The following LRMDA variants were observed in gnomAD, a reference collection of about 807,000 sequenced individuals.
LRMDA encodes the protein leucine rich melanocyte differentiation associated.
Under a neutral mutation model 29.8 loss-of-function variants are expected in LRMDA, and 18 were observed. That is an observed-to-expected ratio of 0.60 (90% CI 0.42 to 0.90). The LOEUF is 0.90. Ranked by LOEUF, LRMDA falls within the 40% of genes least tolerant of loss-of-function variation. The pLI is 0.00. For missense variants in LRMDA, 273 were observed against 273.9 expected (o/e 1.00, Z 0.02); for synonymous variants, 125 against 109.4 (o/e 1.14, Z -0.89).
At chr10:76,236,893 A>G (rs1405505431) in intron 5 of LRMDA, among the ~76,000 whole-genome samples, 1 of 152,284 alleles carries the variant, frequency 6.6e-6, no homozygotes, top group Admixed American at 6.5e-5. Context: ...TACAGCCAGC[A>G]GCAACTATAA....
chr10:76,045,301 C>T lies in LRMDA; in HGVS notation c.259-1863C>T, dbSNP rs189592119. On this transcript the variant is annotated intron_variant, in intron 3 of 6. Transcript: ENST00000611255. The stretch of plus-strand genomic sequence containing the variant: ...CTCTCTGGTTAGTTTCCCTCTCTTG[C>T]CAGTTTCCCCCTCTCTTGCTAGTTT... Among the ~76,000 whole-genome samples, 130 of 134,818 alleles carry T rather than the reference C, an allele frequency of 9.6e-4. 2 individuals carry two copies. The Admixed American group carries it at 9.6e-3, about 10-fold the overall frequency. 88.4% of individuals were successfully genotyped at this position (134,818 alleles called of 152,430 possible).
chr10:76,213,356 CCATT>C (rs1851670435), intron 5 of LRMDA, among the ~76,000 whole-genome samples: 1 of 152,108 alleles, frequency 6.6e-6, no homozygotes, highest in Non-Finnish European at 1.5e-5. Flanking sequence ...CTGGTTGTAT[CCATT>C]TAATAAAATT....
chr10:75,956,421 T>C (rs1029745258), intron 2 of LRMDA, among the ~76,000 whole-genome samples: 3 of 152,216 alleles, frequency 2.0e-5, no homozygotes, highest in Non-Finnish European at 4.4e-5. Flanking sequence ...TTCTGGGCAT[T>C]CAAATGGGGC....
rs1258566465 is a variant in LRMDA at position 76,495,075 on chromosome 10, CT to C, written c.602-62130del. ...TTTTTTGCTATCAACTCTAAGAACT[CT>C]TTTCCTAGTCCTGGATCATGGGGAT... On this transcript the variant is annotated intron_variant, in intron 6 of 6. Coordinates refer to ENST00000611255, the MANE Select transcript of LRMDA (RefSeq NM_001305581.2). Among the ~76,000 whole-genome samples, 5 of 151,818 alleles carry C rather than the reference CT, an allele frequency of 3.3e-5. 1 individual carries two copies. The highest frequency in any genetic ancestry group is 9.7e-5 in the African/African-American group (4 of 41,412).
intron 5 of LRMDA, among the ~76,000 whole-genome samples, chr10:76,272,760 G>C (rs1248577132): frequency 6.6e-6 from 1 of 152,128 alleles, no homozygotes; most frequent in Non-Finnish European, 1.5e-5. Flanking sequence ...CCACATGGCT[G>C]AGGAGGCCTG....
At chr10:76,017,881 T>C (rs1847904194) in intron 2 of LRMDA, among the ~76,000 whole-genome samples, 3 of 152,174 alleles carry the variant, frequency 2.0e-5, no homozygotes. Context: ...TCAACCTGCT[T>C]GATATGTTTG....
chr10:76,136,756 T>C (rs11001627), intron 5 of LRMDA, among the ~76,000 whole-genome samples: 22,783 of 152,224 alleles, frequency 0.15, 2,040 homozygotes, highest in Admixed American at 0.23. Flanking sequence ...ATATTTTACA[T>C]AAGTTTTTAA....
intron 5 of LRMDA, among the ~76,000 whole-genome samples, chr10:76,226,853 AG>A (rs2132267040): frequency 6.6e-6 from 1 of 152,330 alleles, no homozygotes; most frequent in Admixed American, 6.5e-5. Flanking sequence ...CAGAGCTGTG[AG>A]ACAAATAAAT....
intron 2 of LRMDA, among the ~76,000 whole-genome samples, chr10:75,477,852 G>A (rs1008681556): frequency 1.3e-5 from 2 of 152,244 alleles, no homozygotes; most frequent in African/African-American, 4.8e-5. Flanking sequence ...AGAATTATGG[G>A]CTTTGACAGA....
chr10:76,523,298 G>A (rs1012279958), intron 6 of LRMDA, among the ~76,000 whole-genome samples: 9 of 152,100 alleles, frequency 5.9e-5, no homozygotes, highest in Admixed American at 4.6e-4. Flanking sequence ...GTGTCGAAGG[G>A]CTTTCCACTG....
chr10:76,084,515 A>G (rs909182887), intron 5 of LRMDA, among the ~76,000 whole-genome samples: 4 of 151,602 alleles, frequency 2.6e-5, no homozygotes, highest in African/African-American at 9.7e-5. Flanking sequence ...GTGCCCAGCC[A>G]TATTATGTTT....
chr10:75,854,260 C>T lies in LRMDA; in HGVS notation c.132-181748C>T, dbSNP rs185736972. Among the ~76,000 whole-genome samples, 219 of 152,216 alleles carry T rather than the reference C, an allele frequency of 1.4e-3. 3 individuals carry two copies. Among genetic ancestry groups the T allele is most frequent in the Admixed American group, 0.013 (192 of 15,290 alleles). On this transcript the variant is annotated intron_variant, in intron 2 of 6. Coordinates refer to ENST00000611255, the MANE Select transcript of LRMDA (RefSeq NM_001305581.2). ...CTCCTGGCATGTGTCATTTATTGCT[C>T]AAGGTTTCTGGATTTTAGAACATCC...
chr10:75,658,604 A>G (rs540580440), intron 2 of LRMDA, among the ~76,000 whole-genome samples: 3 of 152,346 alleles, frequency 2.0e-5, no homozygotes, highest in South Asian at 4.1e-4. Context: ...ATTTCTGCAG[A>G]AAGAACCCCA....
intron 5 of LRMDA, among the ~76,000 whole-genome samples, chr10:76,244,705 A>C (rs1461791399): frequency 4.6e-5 from 7 of 152,118 alleles, no homozygotes; most frequent in Non-Finnish European, 8.8e-5. Context: ...CTGCAGAAAG[A>C]AGCCAATGTA....
intron 2 of LRMDA, among the ~76,000 whole-genome samples, chr10:75,602,334 T>C (rs1010371420): frequency 5.3e-5 from 8 of 152,182 alleles, no homozygotes; most frequent in Non-Finnish European, 1.0e-4. Flanking sequence ...GGATAGCATA[T>C]GGACTGAATA....
At chr10:75,918,958 CA>C (rs1232667797) in intron 2 of LRMDA, among the ~76,000 whole-genome samples, 3 of 152,124 alleles carry the variant, frequency 2.0e-5, no homozygotes, top group Non-Finnish European at 4.4e-5. Context: ...AGTTGTCCTG[CA>C]GAGTAAAAAG....
intron 5 of LRMDA, among the ~76,000 whole-genome samples, chr10:76,121,714 G>A (rs944520692): frequency 1.3e-5 from 2 of 152,172 alleles, no homozygotes; most frequent in African/African-American, 4.8e-5. Flanking sequence ...ATTAGATTCA[G>A]TCCTCCTCCA....
intron 6 of LRMDA, among the ~76,000 whole-genome samples, chr10:76,522,691 C>T (rs188087719): frequency 7.9e-5 from 12 of 152,216 alleles, no homozygotes; most frequent in Non-Finnish European, 1.5e-4. Context: ...ATCCACAAGC[C>T]GAATAAAACT....
chr10:76,082,077 C>T (rs1849058405), intron 5 of LRMDA, among the ~76,000 whole-genome samples: 1 of 152,094 alleles, frequency 6.6e-6, no homozygotes, highest in Non-Finnish European at 1.5e-5. Flanking sequence ...GATTCACCTA[C>T]CTGAGGATTT....
Sources: allele counts gnomAD v4.1 joint callset (sites outside exome capture counted in the v4.1 genomes callset), GRCh38; gene constraint gnomAD v4.1.1; transcripts MANE v1.5; gene names NCBI Gene and HGNC (gene_info 2026-07-23, HGNC 2026-07-21).